Variants in IMPG1 observed in about 807,000 individuals in gnomAD.
The protein encoded by IMPG1 is interphotoreceptor matrix proteoglycan 1.
Under a neutral mutation model 92.0 loss-of-function variants are expected in IMPG1, and 85 were observed. That is an observed-to-expected ratio of 0.92 (90% CI 0.78 to 1.11). The LOEUF (loss-of-function observed/expected upper bound fraction) is 1.11, where lower values mean the gene tolerates loss of function less well. IMPG1 is among the 50% of genes least tolerant of loss of function. IMPG1 has a pLI of 0.00. For synonymous variants in IMPG1, 367 were observed against 334.1 expected (o/e 1.10, Z -1.08); for missense variants, 1,022 against 956.0 (o/e 1.07, Z -0.91).
At position 75,952,884 on chromosome 6, in the gene IMPG1, A is replaced by G. The variant is rs77539951; in HGVS notation, c.1292-1790T>C. On this transcript the variant is annotated intron_variant, in intron 12 of 16. Coordinates refer to ENST00000369950, the MANE Select transcript of IMPG1 (RefSeq NM_001563.4). ...AGGAATAAAATCTGCAAGCACCTTG[A>G]TCTGGCATTTCTTGGTCATGAGAAC... 3.3e-4 allele frequency among the ~76,000 whole-genome samples: 51 copies of G among 152,314 alleles called. 1 individual carries two copies. The highest frequency in any genetic ancestry group is 1.0e-3 in the African/African-American group (43 of 41,574).
chr6:75,966,496 A>G (rs984020784), intron 12 of IMPG1, among the ~76,000 whole-genome samples: 4 of 152,118 alleles, frequency 2.6e-5, no homozygotes, highest in South Asian at 2.1e-4. Flanking sequence ...TCTGCCTTCC[A>G]TCATGAAATT....
At chr6:75,993,095 C>A (rs1782841089) in intron 12 of IMPG1, among the ~76,000 whole-genome samples, 1 of 152,000 alleles carries the variant, frequency 6.6e-6, no homozygotes, top group Admixed American at 6.6e-5. Context: ...CTTTTCAGAG[C>A]CAGACTTTGT....
intron 12 of IMPG1, among the ~76,000 whole-genome samples, chr6:75,982,623 A>G (rs926999023): frequency 7.3e-5 from 11 of 150,574 alleles, no homozygotes; most frequent in African/African-American, 2.5e-4. Context: ...ATGTGTGTGT[A>G]TATATATATG....
chr6:75,981,645 AC>A (rs756140944), intron 12 of IMPG1, among the ~76,000 whole-genome samples: 35 of 152,230 alleles, frequency 2.3e-4, no homozygotes, highest in Non-Finnish European at 4.4e-4. Flanking sequence ...GTCATAGAAG[AC>A]ATTTGTATTT....
Position 75,970,250 on chromosome 6 carries a change from C to T in IMPG1, c.1292-19156G>A, listed in dbSNP as rs575297843. Among the ~76,000 whole-genome samples the T allele has an allele frequency of 4.6e-5, 7 of 151,876 alleles. No homozygotes were observed. In the East Asian group the frequency reaches 9.6e-4, roughly 21 times the overall value. On this transcript the variant is annotated intron_variant, in intron 12 of 16. Transcript: ENST00000369950. The stretch of plus-strand genomic sequence containing the variant: ...ATGCCTTTTCTAAGTGATTAAAATG[C>T]GTAATTAAGAGAGGCAGCCCAAGGC...
chr6:76,070,174 AAC>A (rs1784382129), intron 1 of IMPG1, among the ~76,000 whole-genome samples: 1 of 152,214 alleles, frequency 6.6e-6, no homozygotes, highest in Non-Finnish European at 1.5e-5. Flanking sequence ...AAAGAACATG[AAC>A]AGATATTTTG....
intron 12 of IMPG1, among the ~76,000 whole-genome samples, chr6:75,969,573 C>T (rs1458495032): frequency 6.6e-6 from 1 of 152,004 alleles, no homozygotes; most frequent in Non-Finnish European, 1.5e-5. Context: ...GAAACCCCAT[C>T]TCTACTAAAA....
chr6:75,953,366 C>T (rs1238363442), intron 12 of IMPG1, among the ~76,000 whole-genome samples: 1 of 152,024 alleles, frequency 6.6e-6, no homozygotes, highest in Non-Finnish European at 1.5e-5. Flanking sequence ...TTGCTGCATT[C>T]ATCAACACAT....
chr6:75,978,820 G>C (rs1357301865), intron 12 of IMPG1, among the ~76,000 whole-genome samples: 1 of 152,132 alleles, frequency 6.6e-6, no homozygotes, highest in African/African-American at 2.4e-5. Context: ...AGCACGTTTG[G>C]TGTACATTAT....
At position 75,974,252 on chromosome 6, in the gene IMPG1, TTCTTTCTTTCTCTC is replaced by T. The variant is rs1007125413; in HGVS notation, c.1292-23172_1292-23159del. 3.0e-4 allele frequency among the ~76,000 whole-genome samples: 46 copies of T among 151,922 alleles called. 1 individual carries two copies. The highest frequency in any genetic ancestry group is 5.9e-4 in the Admixed American group (9 of 15,246). ...AAGGTATTTTTAATGAGGACTTTCTTTCTTTCTTTCTCTCTCTTTCTTTCTCTCTCTTCTTTCTT... is the reference window on the plus strand; with the variant it reads ...AAGGTATTTTTAATGAGGACTTTCTTTCTTTCTTTCTCTCTCTTCTTTCTT... On this transcript the variant is annotated intron_variant, in intron 12 of 16. Transcript: ENST00000369950.
At chr6:76,047,774 GA>G (rs1443036863) in intron 1 of IMPG1, among the ~76,000 whole-genome samples, 2 of 152,084 alleles carry the variant, frequency 1.3e-5, no homozygotes, top group African/African-American at 4.8e-5. Context: ...ATTAGACTAT[GA>G]AAAAATGCTT....
At chr6:76,067,549 AT>A (rs1784331601) in intron 1 of IMPG1, among the ~76,000 whole-genome samples, 2 of 152,048 alleles carry the variant, frequency 1.3e-5, no homozygotes, top group South Asian at 4.1e-4. Flanking sequence ...TAATAAAAAA[AT>A]CTCCTAAGAA....
At chr6:76,005,601 T>C in intron 9 of IMPG1, 67 bp from the exon 10 acceptor site, 1 of 1,538,642 alleles carries the variant, frequency 6.5e-7, no homozygotes, top group Admixed American at 1.8e-5. Context: ...AGAGAATCAC[T>C]AGATTGCTAC....
rs567804580 is a variant in IMPG1 at position 76,014,512 on chromosome 6, A to C, written c.808-3288T>G. Reference sequence around the variant, plus strand: ...AGGGCAGGCAGGAAGGTCTGTGTACATGCTTCACATCTGCTGTGGCTTCCT... The same window carrying C: ...AGGGCAGGCAGGAAGGTCTGTGTACCTGCTTCACATCTGCTGTGGCTTCCT... On this transcript the variant is annotated intron_variant, in intron 7 of 16. Coordinates refer to ENST00000369950, the MANE Select transcript of IMPG1 (RefSeq NM_001563.4). Among the ~76,000 whole-genome samples, 3 of 152,278 alleles carry C rather than the reference A, an allele frequency of 2.0e-5. No homozygotes were observed. The South Asian group carries it at 6.2e-4, about 32-fold the overall frequency.
At chr6:76,055,117 C>A (rs772143218) in intron 1 of IMPG1, among the ~76,000 whole-genome samples, 1 of 151,802 alleles carries the variant, frequency 6.6e-6, no homozygotes, top group Non-Finnish European at 1.5e-5. Context: ...ATAAAATATG[C>A]CTTCTTTTCA....
At chr6:75,956,002 C>A (rs897198637) in intron 12 of IMPG1, among the ~76,000 whole-genome samples, 3 of 152,142 alleles carry the variant, frequency 2.0e-5, no homozygotes, top group African/African-American at 7.2e-5. Flanking sequence ...TTCAGTTTGT[C>A]CGGATTTTAT....
At chr6:76,006,427 C>T (rs1377817516) in intron 9 of IMPG1, among the ~76,000 whole-genome samples, 14 of 145,946 alleles carry the variant, frequency 9.6e-5, no homozygotes, top group South Asian at 8.6e-4. Context: ...GTCCAAATTA[C>T]CCATCCATAT....
chr6:75,965,741 G>A (rs1037888007), intron 12 of IMPG1, among the ~76,000 whole-genome samples: 4 of 151,374 alleles, frequency 2.6e-5, no homozygotes, highest in East Asian at 1.9e-4. Flanking sequence ...CTGAGTAGCC[G>A]GGACTACAGG....
chr6:75,946,295 G>T (rs1334269174), intron 14 of IMPG1, among the ~76,000 whole-genome samples: 3 of 152,170 alleles, frequency 2.0e-5, no homozygotes, highest in Non-Finnish European at 4.4e-5. Context: ...GTTGCTCAAA[G>T]CACTGCTCTA....
Sources: allele counts gnomAD v4.1 joint callset (sites outside exome capture counted in the v4.1 genomes callset), GRCh38; gene constraint gnomAD v4.1.1; transcripts MANE v1.5; gene names NCBI Gene and HGNC (gene_info 2026-07-23, HGNC 2026-07-21).